The following DAB1 variants were observed in gnomAD, a reference collection of about 807,000 sequenced individuals.
The protein encoded by DAB1 is disabled homolog 1.
DAB1 carries 15 observed loss-of-function variants against 64.6 expected under a neutral mutation model. The ratio of observed to expected loss-of-function variants is 0.23; its 90% CI spans 0.16 to 0.36. The LOEUF is 0.36. Ranked by LOEUF, DAB1 falls within the 10% of genes least tolerant of loss-of-function variation. The pLI is 1.00. For synonymous variants in DAB1, 235 were observed against 251.9 expected, an observed-to-expected ratio of 0.93 and a Z score of 0.64; for missense variants, 596 against 706.7, an observed-to-expected ratio of 0.84 and a Z score of 1.78.
At chr1:57,124,020 C>T (rs1011801792) in intron 4 of DAB1, among the ~76,000 whole-genome samples, 1 of 152,132 alleles carries the variant, frequency 6.6e-6, no homozygotes, top group African/African-American at 2.4e-5. Flanking sequence ...CAGGCTCTAT[C>T]AACTACCACT....
chr1:58,215,512 G>A (rs1269577027), intron 4 of DAB1, among the ~76,000 whole-genome samples: 1 of 152,022 alleles, frequency 6.6e-6, no homozygotes, highest in Non-Finnish European at 1.5e-5. Context: ...CCTAAAGGCA[G>A]GAATCCTAAC....
chr1:57,717,495 T>C (rs991357627), intron 6 of DAB1, among the ~76,000 whole-genome samples: 1 of 152,104 alleles, frequency 6.6e-6, no homozygotes, highest in Non-Finnish European at 1.5e-5. Context: ...AGAGCCATTA[T>C]GGAAAATAGT....
chr1:58,474,897 A>G (rs1222228131), intron 3 of DAB1, among the ~76,000 whole-genome samples: 1 of 152,174 alleles, frequency 6.6e-6, no homozygotes, highest in Non-Finnish European at 1.5e-5. Context: ...TCTTATCTGT[A>G]AATTAGGAGA....
intron 3 of DAB1, among the ~76,000 whole-genome samples, chr1:58,490,225 A>T (rs1288011280): frequency 2.0e-5 from 3 of 152,216 alleles, no homozygotes; most frequent in African/African-American, 7.2e-5. Flanking sequence ...AACTAGAATA[A>T]CCAATGCAGA....
intron 7 of DAB1, among the ~76,000 whole-genome samples, chr1:57,485,484 G>A (rs894952398): frequency 1.2e-4 from 18 of 152,168 alleles, no homozygotes; most frequent in Admixed American, 6.5e-5. Context: ...AGGGAATACA[G>A]AATAAATGAT....
rs34105483 is a variant in DAB1, at chr1:57,641,379, G to GTTTTTTT, written n.625+8206_625+8212dup. ...GCCCAGTTCCCTCTTTTTTTTGTTGGTTTTTTTTTTTTTTTTTTTTTTGAG... is the reference window on the plus strand; with the variant it reads ...GCCCAGTTCCCTCTTTTTTTTGTTGGTTTTTTTTTTTTTTTTTTTTTTTTTTTTTGAG... On this transcript the variant is annotated intron_variant and non_coding_transcript_variant, in intron 7 of 20. Transcript: ENST00000485760. 5.3e-4 allele frequency among the ~76,000 whole-genome samples: 58 copies of GTTTTTTT among 109,978 alleles called. 2 individuals are homozygous for GTTTTTTT. Among genetic ancestry groups the GTTTTTTT allele is most frequent in the African/African-American group, 1.0e-3 (30 of 29,032 alleles). 72.1% of individuals were successfully genotyped at this position (109,978 alleles called of 152,430 possible).
At chr1:57,520,504 T>A (rs1644513109) in intron 7 of DAB1, among the ~76,000 whole-genome samples, 1 of 152,152 alleles carries the variant, frequency 6.6e-6, no homozygotes, top group Non-Finnish European at 1.5e-5. Flanking sequence ...TTTATTACAA[T>A]ATTAGAAAAA....
At chr1:57,879,531 C>G (rs1430009483) in intron 1 of DAB1, among the ~76,000 whole-genome samples, 1 of 152,138 alleles carries the variant, frequency 6.6e-6, no homozygotes, top group Non-Finnish European at 1.5e-5. Context: ...AACTAAGAAG[C>G]CTCAGATGGC....
chr1:57,870,449 G>A (rs1643923548), intron 1 of DAB1, among the ~76,000 whole-genome samples: 1 of 152,040 alleles, frequency 6.6e-6, no homozygotes, highest in African/African-American at 2.4e-5. Flanking sequence ...ATGGACTTAG[G>A]CATTACATAG....
intron 3 of DAB1, among the ~76,000 whole-genome samples, chr1:58,374,794 G>A (rs1412040626): frequency 7.2e-6 from 1 of 138,304 alleles, no homozygotes; most frequent in East Asian, 2.0e-4. Context: ...TCACGATCTT[G>A]ATTCTTCCTA....
intron 3 of DAB1, among the ~76,000 whole-genome samples, chr1:58,456,810 C>T (rs7556643): frequency 0.019 from 2,949 of 152,250 alleles, 47 homozygotes; most frequent in Middle Eastern, 0.041. Flanking sequence ...TCAGACCTTA[C>T]TATAGACAAG....
intron 7 of DAB1, among the ~76,000 whole-genome samples, chr1:57,615,756 T>C (rs1645784396): frequency 6.6e-6 from 1 of 152,210 alleles, no homozygotes; most frequent in South Asian, 2.1e-4. Context: ...AAGCAATTCT[T>C]AGTGATACTG....
chr1:57,418,299 CAA>C (rs1558348734), intron 1 of DAB1, among the ~76,000 whole-genome samples: 2 of 151,970 alleles, frequency 1.3e-5, no homozygotes, highest in Non-Finnish European at 2.9e-5. Flanking sequence ...TGAATAAAAA[CAA>C]AGAGACATAA....
chr1:58,184,693 A>G (rs1656979268), intron 4 of DAB1, among the ~76,000 whole-genome samples: 1 of 152,190 alleles, frequency 6.6e-6, no homozygotes, highest in South Asian at 2.1e-4. Context: ...AGCAGGTGCA[A>G]AGGTAAGCTC....
chr1:57,119,465 T>C (rs958978884), intron 4 of DAB1, among the ~76,000 whole-genome samples: 2 of 152,138 alleles, frequency 1.3e-5, no homozygotes, highest in African/African-American at 4.8e-5. Context: ...CTTTATCAAT[T>C]ACCCTGACAG....
chr1:58,117,656 T>C (rs996308108), intron 5 of DAB1, among the ~76,000 whole-genome samples: 4 of 152,128 alleles, frequency 2.6e-5, no homozygotes, highest in African/African-American at 9.7e-5. Context: ...TTATCCCAAA[T>C]ATATAGTCCT....
At chr1:57,122,953 C>T (rs561028639) in intron 4 of DAB1, among the ~76,000 whole-genome samples, 30 of 152,198 alleles carry the variant, frequency 2.0e-4, no homozygotes, top group Middle Eastern at 3.4e-3. Context: ...AGTCATGCCC[C>T]TCTCCATCCC....
intron 3 of DAB1, among the ~76,000 whole-genome samples, chr1:58,370,366 AGTGTGTGCGT>A (rs1428567592): frequency 2.4e-5 from 3 of 124,450 alleles, no homozygotes; most frequent in East Asian, 4.8e-4. Flanking sequence ...GTTACTTATG[AGTGTGTGCGT>A]GTGTGTGTGT....
chr1:57,914,477 C>G (rs371711614), intron 5 of DAB1, among the ~76,000 whole-genome samples: 1 of 151,734 alleles, frequency 6.6e-6, no homozygotes, highest in Non-Finnish European at 1.5e-5. Flanking sequence ...ATGTAAATGA[C>G]GAGTTAATGG....
Sources: gnomAD v4.1 joint callset for allele counts (sites outside exome capture counted in the v4.1 genomes callset) on GRCh38, gnomAD v4.1.1 for gene constraint, MANE v1.5 for transcripts, NCBI Gene and HGNC (gene_info 2026-07-23, HGNC 2026-07-21) for gene names.